The following TP63 variants were observed in gnomAD, a reference collection of about 807,000 sequenced individuals.
The protein encoded by TP63 is tumor protein 63.
A neutral mutation model predicts 82.8 loss-of-function variants in TP63; 17 were observed. That is an observed-to-expected ratio of 0.21 (90% confidence interval 0.14 to 0.31). TP63 has a LOEUF of 0.31. TP63 is among the 10% of genes least tolerant of loss of function. The pLI, the probability that TP63 is intolerant of heterozygous loss-of-function variation, is 1.00. For missense variants in TP63, 648 were observed against 895.3 expected, an observed-to-expected ratio of 0.72 and a Z score of 3.52; for synonymous variants, 330 against 321.7, an observed-to-expected ratio of 1.03 and a Z score of -0.28.
intron 1 of TP63, among the ~76,000 whole-genome samples, chr3:189,642,477 G>T (rs184173943): frequency 5.5e-4 from 84 of 152,076 alleles, no homozygotes; most frequent in African/African-American, 2.0e-3. Context: ...GGATTCGGGG[G>T]CCAATGCGCA....
Position 189,895,484 on chromosome 3 carries a change from C to G in TP63, c.*982C>G, listed in dbSNP as rs1167174962. The G allele has an allele frequency of 4.6e-6, 1 of 219,330 alleles. No individual in the cohort carries two copies. The highest frequency in any genetic ancestry group is 2.2e-5 in the African/African-American group (1 of 44,568). 13.6% of individuals were successfully genotyped at this position (219,330 alleles called of 1,614,324 possible). On this transcript the variant is annotated 3_prime_UTR_variant, in exon 14 of 14. Coordinates refer to ENST00000264731, the MANE Select transcript of TP63 (RefSeq NM_003722.5). ...ATTGACTAACTCAAATACACATTTG[C>G]TACTGTTGTAAGAATTCTGATTGAT...
At chr3:189,850,666 A>G (rs1715505860) in intron 4 of TP63, among the ~76,000 whole-genome samples, 1 of 152,202 alleles carries the variant, frequency 6.6e-6, no homozygotes, top group Admixed American at 6.5e-5. Flanking sequence ...AACATGGCAC[A>G]TGTATACATA....
chr3:189,657,592 G>T (rs1713497391), intron 1 of TP63, among the ~76,000 whole-genome samples: 1 of 152,030 alleles, frequency 6.6e-6, no homozygotes, highest in African/African-American at 2.4e-5. Flanking sequence ...ATGTATACTG[G>T]AATTGAACAA....
chr3:189,750,499 GATAA>G (rs2108521012), intron 3 of TP63, among the ~76,000 whole-genome samples: 1 of 152,274 alleles, frequency 6.6e-6, no homozygotes, highest in African/African-American at 2.4e-5. Context: ...ACATAGAAAT[GATAA>G]ATACTCAAGG....
chr3:189,699,670 T>A (rs968600898), intron 1 of TP63, among the ~76,000 whole-genome samples: 3 of 151,596 alleles, frequency 2.0e-5, no homozygotes, highest in Non-Finnish European at 4.4e-5. Flanking sequence ...ATATTTGTTT[T>A]AAAAAAAAAT....
intron 3 of TP63, among the ~76,000 whole-genome samples, chr3:189,795,548 G>A (rs528999054): frequency 1.3e-5 from 2 of 151,932 alleles, no homozygotes; most frequent in East Asian, 3.9e-4. Context: ...TATGTAGAGG[G>A]GATAAAATTT....
chr3:189,757,410 T>C (rs1413935261), intron 3 of TP63, among the ~76,000 whole-genome samples: 1 of 152,204 alleles, frequency 6.6e-6, no homozygotes, highest in African/African-American at 2.4e-5. Context: ...TTTTCTCATC[T>C]GCAAAACAAG....
At chr3:189,670,714 C>T (rs868326575) in intron 1 of TP63, among the ~76,000 whole-genome samples, 3 of 151,926 alleles carry the variant, frequency 2.0e-5, no homozygotes, top group Admixed American at 6.6e-5. Flanking sequence ...ACAAATATAC[C>T]GGTGGGACAG....
Position 189,826,664 on chromosome 3 carries a change from A to G in TP63, c.579+18138A>G, listed in dbSNP as rs111887821. ...TTTGGCTTGAAATATTTTCAGTTCT[A>G]TCTCCTTATAAGCTTCAGAATTACT... On this transcript the variant is annotated intron_variant, in intron 4 of 13. Coordinates refer to ENST00000264731, the MANE Select transcript of TP63 (RefSeq NM_003722.5). 5.9e-5 allele frequency among the ~76,000 whole-genome samples: 9 copies of G among 152,282 alleles called. 1 individual carries two copies. The highest frequency in any genetic ancestry group is 4.1e-4 in the South Asian group (2 of 4,822).
At chr3:189,779,089 T>C (rs1260530790) in intron 3 of TP63, among the ~76,000 whole-genome samples, 1 of 152,182 alleles carries the variant, frequency 6.6e-6, no homozygotes, top group African/African-American at 2.4e-5. Flanking sequence ...TTTGAAGAAA[T>C]GATTTCATCA....
chr3:189,678,546 A>AG (rs1252804296), intron 1 of TP63, among the ~76,000 whole-genome samples: 1 of 152,086 alleles, frequency 6.6e-6, no homozygotes, highest in African/African-American at 2.4e-5. Flanking sequence ...CTTTTTGCTA[A>AG]GGATTGCTTT....
intron 1 of TP63, among the ~76,000 whole-genome samples, chr3:189,689,100 T>TG (rs1716695603): frequency 4.1e-5 from 1 of 24,212 alleles, no homozygotes; most frequent in African/African-American, 3.3e-4. Flanking sequence ...AAATCTACCT[T>TG]TTTCTTTTTT....
upstream of TP63, among the ~76,000 whole-genome samples, chr3:189,627,408 A>G (rs1729344510): frequency 6.6e-6 from 1 of 152,204 alleles, no homozygotes; most frequent in African/African-American, 2.4e-5. Flanking sequence ...AAACCATGGC[A>G]TCAATGAGCA....
rs552540214 is a variant in TP63 at position 189,777,137 on chromosome 3, T to G, written c.325-31135T>G. On this transcript the variant is annotated intron_variant, in intron 3 of 13. Coordinates refer to ENST00000264731, the MANE Select transcript of TP63 (RefSeq NM_003722.5). ...TCTTATTCCAACATGTCTTTCCTAC[T>G]CTATCTTCCATCTCATGTCATTCCA... 8.5e-5 allele frequency among the ~76,000 whole-genome samples: 13 copies of G among 152,274 alleles called. No individual in the cohort carries two copies. In the South Asian group the frequency reaches 2.7e-3, roughly 32 times the overall value.
chr3:189,869,278 C>T (rs2108808816), intron 8 of TP63, 46 bp from the exon 9 acceptor site: 2 of 1,456,642 alleles, frequency 1.4e-6, no homozygotes, highest in Non-Finnish European at 1.9e-6. Flanking sequence ...TGCATTAGTG[C>T]TTTAGAAGTG....
At chr3:189,692,055 T>C (rs1716979689) in intron 1 of TP63, among the ~76,000 whole-genome samples, 1 of 152,202 alleles carries the variant, frequency 6.6e-6, no homozygotes, top group South Asian at 2.1e-4. Context: ...GAAGCACCTA[T>C]AATCTTACCT....
intron 9 of TP63, among the ~76,000 whole-genome samples, chr3:189,872,247 C>T (rs1253098425): frequency 1.2e-5 from 1 of 82,022 alleles, no homozygotes; most frequent in Non-Finnish European, 2.3e-5. Context: ...CTATGCACCT[C>T]TGGTCACATA....
intron 1 of TP63, among the ~76,000 whole-genome samples, chr3:189,717,321 A>G (rs1341681819): frequency 6.6e-6 from 1 of 152,170 alleles, no homozygotes; most frequent in Non-Finnish European, 1.5e-5. Context: ...ATCACAGATA[A>G]TTTCATAATA....
At chr3:189,742,257 A>G (rs1721047209) in intron 3 of TP63, among the ~76,000 whole-genome samples, 1 of 151,440 alleles carries the variant, frequency 6.6e-6, no homozygotes, top group Non-Finnish European at 1.5e-5. Flanking sequence ...AAAAAAAAAA[A>G]AAAAAAAAAA....
Sources: allele counts gnomAD v4.1 joint callset (sites outside exome capture counted in the v4.1 genomes callset), GRCh38; gene constraint gnomAD v4.1.1; transcripts MANE v1.5; gene names NCBI Gene and HGNC (gene_info 2026-07-23, HGNC 2026-07-21).